Variants in CENPE observed in about 807,000 individuals in gnomAD.
The protein encoded by CENPE is centromere protein E, also known as centromere-associated protein E.
In CENPE, 145 loss-of-function variants were observed where a neutral mutation model predicts 336.1. The ratio of observed to expected loss-of-function variants is 0.43; its 90% CI spans 0.38 to 0.50. The LOEUF (loss-of-function observed/expected upper bound fraction) is 0.50. Among genes scored for constraint, CENPE ranks in the 20% least tolerant of loss-of-function variants. CENPE has a pLI of 0.00. For missense variants in CENPE, 2,719 were observed against 3,023.3 expected (o/e 0.90, Z 2.36); for synonymous variants, 1,013 against 984.8 (o/e 1.03, Z -0.54).
At chr4:103,113,148 A>G (rs1749703045) in intron 46 of CENPE, among the ~76,000 whole-genome samples, 2 of 67,664 alleles carry the variant, frequency 3.0e-5, no homozygotes, top group South Asian at 4.8e-4. Flanking sequence ...TTATAAGTAT[A>G]TAAGTGTATA....
chr4:103,133,997 T>A, intron 40 of CENPE, 105 bp from the exon 41 acceptor site: 4 of 724,896 alleles, frequency 5.5e-6, no homozygotes, highest in Middle Eastern at 3.7e-4. Context: ...CTTATTTACC[T>A]ATATCCTCTC....
chr4:103,190,616 T>G (rs192155771), intron 8 of CENPE, among the ~76,000 whole-genome samples: 2,380 of 152,282 alleles, frequency 0.016, 31 homozygotes, highest in Middle Eastern at 0.054. Flanking sequence ...CCAGATCCCT[T>G]CCTTACACCT....
chr4:103,130,760 A>T (rs1402372724), intron 42 of CENPE, among the ~76,000 whole-genome samples: 2 of 152,154 alleles, frequency 1.3e-5, no homozygotes, highest in African/African-American at 4.8e-5. Flanking sequence ...TTACTATAAA[A>T]ATCAGCAGTT....
At chr4:103,172,866 A>T (rs906037825) in intron 16 of CENPE, among the ~76,000 whole-genome samples, 1 of 152,036 alleles carries the variant, frequency 6.6e-6, no homozygotes, top group African/African-American at 2.4e-5. Flanking sequence ...GAATTTGAAG[A>T]AGACACAAAT....
chr4:103,154,473 A>G (rs1753810305), intron 24 of CENPE, among the ~76,000 whole-genome samples: 1 of 152,062 alleles, frequency 6.6e-6, no homozygotes, highest in Admixed American at 6.6e-5. Flanking sequence ...TTATTTAGCA[A>G]CCCCCTTATT....
intron 43 of CENPE, 104 bp from the exon 44 acceptor site, chr4:103,120,437 C>T: frequency 1.1e-6 from 1 of 928,240 alleles, no homozygotes; most frequent in South Asian, 1.7e-5. Context: ...TAATTTTTCA[C>T]AGATTGTATT....
At chr4:103,145,019 C>CAAAA in intron 32 of CENPE, 31 bp downstream of exon 32, 2 of 1,231,944 alleles carry the variant, frequency 1.6e-6, no homozygotes, top group Non-Finnish European at 1.1e-6. Flanking sequence ...TTTCTGTATC[C>CAAAA]AAAAAAAAAA....
rs1752035741 is a variant in CENPE at position 103,135,990 on chromosome 4, T to C, written c.6522+151A>G. 3 of 653,296 alleles carry C rather than the reference T, an allele frequency of 4.6e-6. No individual in the cohort carries two copies. In the Admixed American group the frequency reaches 8.9e-5, roughly 19 times the overall value. 40.5% of individuals were successfully genotyped at this position (653,296 alleles called of 1,614,324 possible). A position where few individuals can be genotyped will look rare whatever the true frequency, so the allele number is the denominator to read the frequency against. On this transcript the variant is annotated intron_variant, in intron 40 of 48. Transcript: ENST00000265148. ...AGGCAGAGTTCAGGTGTTGCTGATA[T>C]CCTACATATTACTATGCTCAGACCC...
chr4:103,113,819 T>C (rs1349223662), intron 46 of CENPE, among the ~76,000 whole-genome samples: 1 of 151,146 alleles, frequency 6.6e-6, no homozygotes, highest in Non-Finnish European at 1.5e-5. Context: ...CATTGAGATC[T>C]GCATCTTAGT....
intron 48 of CENPE, 72 bp from the exon 49 acceptor site, chr4:103,106,388 G>A (rs530431919): frequency 1.9e-5 from 23 of 1,189,090 alleles, no homozygotes; most frequent in Admixed American, 9.7e-5. Context: ...GCTGGAAGTG[G>A]AAAGGAGGTT....
At chr4:103,192,653 G>C (rs932087060) in intron 8 of CENPE, among the ~76,000 whole-genome samples, 1 of 152,166 alleles carries the variant, frequency 6.6e-6, no homozygotes, top group African/African-American at 2.4e-5. Context: ...AATTGACTTA[G>C]GTTTCCAGCT....
chr4:103,132,775 T>C lies in CENPE; in HGVS notation c.6842A>G (p.Asp2281Gly). The C allele has an allele frequency of 1.3e-6, 2 of 1,582,922 alleles. No individual in the cohort carries two copies. Among genetic ancestry groups the C allele is most frequent in the Non-Finnish European group, 1.7e-6 (2 of 1,157,256 alleles). ...FLEEWLNTRF[D>G]IEKLKNGIQK... ...GATGCCATTTTTAAGCTTTTCTATA[T>C]CAAAACGAGTATTTAACCACTCTTC... Residue 2281 changes from aspartate to glycine, a missense_variant, in exon 42 of 49, where the codon GAT becomes GGT. This residue lies in a region of CENPE where 2,437 missense variants were observed against 2,513.3 expected (regional missense o/e 0.97). Coordinates refer to ENST00000265148, the MANE Select transcript of CENPE (RefSeq NM_001813.3).
intron 21 of CENPE, among the ~76,000 whole-genome samples, chr4:103,160,145 A>G (rs1754312925): frequency 6.6e-6 from 1 of 151,862 alleles, no homozygotes; most frequent in South Asian, 2.1e-4. Context: ...AATTTTTGCC[A>G]TTTTTCTTTT....
At chr4:103,158,967 A>C in intron 22 of CENPE, 43 bp downstream of exon 22, 1 of 1,534,508 alleles carries the variant, frequency 6.5e-7, no homozygotes, top group Non-Finnish European at 8.7e-7. Flanking sequence ...CCAAAACCCC[A>C]GAAGACTAAG....
In CENPE at chr4:103,110,863, A is replaced by G. The variant is rs760383648; in HGVS notation, c.7689T>C (p.Asn2563=). Residue 2563 remains asparagine, a synonymous_variant, in exon 47 of 49, where the codon AAT becomes AAC. Coordinates refer to ENST00000265148, the MANE Select transcript of CENPE (RefSeq NM_001813.3). Reference sequence around the variant, plus strand: ...CATTCTTTTGTTTTATTAGCTGTTCATTTTGCTGCTTTAACTTAGAAATTT... The same window carrying G: ...CATTCTTTTGTTTTATTAGCTGTTCGTTTTGCTGCTTTAACTTAGAAATTT... ...EKEISKLKQQ[N]EQLIKQKNEL... is the part of the protein sequence containing the mutation. The G allele has an allele frequency of 1.2e-6, 2 of 1,605,482 alleles. No homozygotes were observed.
rs759100800 is a variant in CENPE at position 103,144,501 on chromosome 4, T to G, written c.4975A>C (p.Asn1659His). Residue 1659 changes from asparagine (N) to histidine (H), a missense_variant, in exon 33 of 49, where the codon AAC becomes CAC. Coordinates refer to ENST00000265148, the MANE Select transcript of CENPE (RefSeq NM_001813.3). Reference protein sequence around the residue: ...LKEQFETQKLNLENIETENIR... With the variant: ...LKEQFETQKLHLENIETENIR... ...TTCTCCGTTTCTATGTTTTCCAGGTTTAACTTCTGGGTCTCAAATTGCTCC... is the reference window on the plus strand; with the variant it reads ...TTCTCCGTTTCTATGTTTTCCAGGTGTAACTTCTGGGTCTCAAATTGCTCC... 1 of 1,614,156 alleles carries G rather than the reference T, an allele frequency of 6.2e-7. No individual in the cohort carries two copies. The highest frequency in any genetic ancestry group is 8.5e-7 in the Non-Finnish European group (1 of 1,180,024).
chr4:103,157,059 C>CAAAAAAAAAAAAAAAAAAAAAAAA (rs34199706), intron 24 of CENPE, among the ~76,000 whole-genome samples: 1 of 98,038 alleles, frequency 1.0e-5, no homozygotes. Flanking sequence ...TGGCTACTAT[C>CAAAAAAAAAAAAAAAAAAAAAAAA]AAAAAAAAAA....
Position 103,158,290 on chromosome 4 carries a change from C to A in CENPE, c.3033+10G>T, listed in dbSNP as rs1375634350. ...AGCATATGAAAACTCTGAAAATAAA[C>A]ACCCTTTACCTTTTGCTGAAATTCA... is the stretch of plus-strand genomic sequence containing the variant. On this transcript the variant is annotated intron_variant, in intron 24 of 48. Coordinates refer to ENST00000265148, the MANE Select transcript of CENPE (RefSeq NM_001813.3). The A allele has an allele frequency of 6.3e-7, 1 of 1,580,088 alleles. No homozygotes were observed. The highest frequency in any genetic ancestry group is 1.2e-5 in the South Asian group (1 of 84,398).
At chr4:103,192,188 A>G (rs1578698786) in intron 8 of CENPE, among the ~76,000 whole-genome samples, 1 of 152,202 alleles carries the variant, frequency 6.6e-6, no homozygotes, top group East Asian at 1.9e-4. Context: ...AGGCAGGTAA[A>G]TATGTATTAC....
Sources: allele counts gnomAD v4.1 joint callset (sites outside exome capture counted in the v4.1 genomes callset), GRCh38; gene constraint gnomAD v4.1.1; regional missense constraint gnomAD v4.1.1; transcripts MANE v1.5; gene names NCBI Gene and HGNC (gene_info 2026-07-23, HGNC 2026-07-21).